The following PLCB1 variants were observed in gnomAD, a reference collection of about 807,000 sequenced individuals.
PLCB1 encodes the protein 1-phosphatidylinositol 4,5-bisphosphate phosphodiesterase beta-1.
In PLCB1, 46 loss-of-function variants were observed where a neutral mutation model predicts 161.8. The ratio of observed to expected loss-of-function variants is 0.28; its 90% CI spans 0.22 to 0.36. PLCB1 has a LOEUF of 0.36. PLCB1 is among the 10% of genes least tolerant of loss of function. PLCB1 has a pLI of 1.00. For missense variants in PLCB1, 1,016 were observed against 1,472.5 expected, an observed-to-expected ratio of 0.69 and a Z score of 5.07; for synonymous variants, 517 against 503.7, an observed-to-expected ratio of 1.03 and a Z score of -0.35.
At chr20:8,569,078 G>A (rs981057998) in intron 3 of PLCB1, among the ~76,000 whole-genome samples, 2 of 152,170 alleles carry the variant, frequency 1.3e-5, no homozygotes, top group African/African-American at 4.8e-5. Flanking sequence ...TTGTAAGGGA[G>A]CTCTCCCTTG....
At chr20:8,423,017 CTA>C (rs1979604866) in intron 3 of PLCB1, among the ~76,000 whole-genome samples, 1 of 152,214 alleles carries the variant, frequency 6.6e-6, no homozygotes, top group African/African-American at 2.4e-5. Flanking sequence ...AGAGCAAACA[CTA>C]TATACATATT....
chr20:8,296,145 G>A (rs1338344054), intron 2 of PLCB1, among the ~76,000 whole-genome samples: 2 of 152,106 alleles, frequency 1.3e-5, no homozygotes, highest in African/African-American at 2.4e-5. Flanking sequence ...AAACGAATAT[G>A]TGGTGTTCTG....
At chr20:8,723,594 C>T (rs1288204863) in intron 15 of PLCB1, among the ~76,000 whole-genome samples, 1 of 152,144 alleles carries the variant, frequency 6.6e-6, no homozygotes, top group Non-Finnish European at 1.5e-5. Context: ...GTACCACTTG[C>T]CAGGCACTGT....
chr20:8,791,957 G>T (rs1307526134), intron 31 of PLCB1: 1 of 152,186 alleles, frequency 6.6e-6, no homozygotes, highest in African/African-American at 2.4e-5. Context: ...GGCTTCAACA[G>T]TTATAGTATT....
chr20:8,733,701 A>G (rs1980399804), intron 19 of PLCB1, among the ~76,000 whole-genome samples: 1 of 151,048 alleles, frequency 6.6e-6, no homozygotes, highest in South Asian at 2.1e-4. Flanking sequence ...ATGACGAGTT[A>G]ATGGGTGCAG....
At chr20:8,326,104 C>T (rs184202598) in intron 2 of PLCB1, among the ~76,000 whole-genome samples, 1 of 152,114 alleles carries the variant, frequency 6.6e-6, no homozygotes, top group African/African-American at 2.4e-5. Flanking sequence ...ATATTTTGCT[C>T]TCTGTTAAGT....
At chr20:8,545,576 A>T (rs539051983) in intron 3 of PLCB1, among the ~76,000 whole-genome samples, 71 of 152,334 alleles carry the variant, frequency 4.7e-4, no homozygotes, top group African/African-American at 1.6e-3. Flanking sequence ...GTAGTAGATT[A>T]TAGGTTTGGA....
chr20:8,735,571 A>T (rs1028001779), intron 19 of PLCB1, among the ~76,000 whole-genome samples: 20 of 152,268 alleles, frequency 1.3e-4, no homozygotes, highest in African/African-American at 4.1e-4. Flanking sequence ...AGCTCACATG[A>T]TGTTCTACCG....
intron 1 of PLCB1, among the ~76,000 whole-genome samples, chr20:8,137,666 T>G (rs549757174): frequency 9.3e-4 from 141 of 152,338 alleles, no homozygotes; most frequent in Admixed American, 1.6e-3. Flanking sequence ...CTGGATCCAT[T>G]TTCACAAAGT....
intron 2 of PLCB1, chr20:8,305,628 G>C (rs1984098199): frequency 6.6e-6 from 1 of 152,148 alleles, no homozygotes; most frequent in African/African-American, 2.4e-5. Context: ...GTCGCGACTA[G>C]CGCCCTCTAG....
At chr20:8,755,922 G>C (rs1981712330) in intron 23 of PLCB1, among the ~76,000 whole-genome samples, 1 of 152,246 alleles carries the variant, frequency 6.6e-6, no homozygotes. Context: ...ACAGGGAGTT[G>C]CTAGGCAGGT....
chr20:8,644,888 G>C (rs1438551086), intron 4 of PLCB1, among the ~76,000 whole-genome samples: 2 of 152,208 alleles, frequency 1.3e-5, no homozygotes, highest in Non-Finnish European at 2.9e-5. Flanking sequence ...AATAGAAAGG[G>C]GGGAAAGGTG....
chr20:8,401,954 A>C (rs1043309514), intron 3 of PLCB1, among the ~76,000 whole-genome samples: 1 of 152,202 alleles, frequency 6.6e-6, no homozygotes, highest in Non-Finnish European at 1.5e-5. Context: ...CTGCCAGGTC[A>C]TCTAACATTA....
At chr20:8,403,858 C>T (rs1325083476) in intron 3 of PLCB1, among the ~76,000 whole-genome samples, 1 of 152,096 alleles carries the variant, frequency 6.6e-6, no homozygotes, top group Non-Finnish European at 1.5e-5. Context: ...AGGAGACTAA[C>T]CATATGGGAA....
At chr20:8,534,729 C>T (rs1239251050) in intron 3 of PLCB1, among the ~76,000 whole-genome samples, 1 of 151,982 alleles carries the variant, frequency 6.6e-6, no homozygotes, top group East Asian at 1.9e-4. Flanking sequence ...CTGAGATATG[C>T]GTTTCTCTTT....
intron 3 of PLCB1, among the ~76,000 whole-genome samples, chr20:8,473,843 C>T (rs936561920): frequency 2.0e-5 from 3 of 152,200 alleles, no homozygotes; most frequent in Non-Finnish European, 2.9e-5. Context: ...AGTACAAAAA[C>T]CTGATGCAGA....
intron 3 of PLCB1, among the ~76,000 whole-genome samples, chr20:8,409,663 A>G (rs951530521): frequency 2.0e-5 from 3 of 151,928 alleles, no homozygotes; most frequent in African/African-American, 7.2e-5. Flanking sequence ...GGGTTTCACC[A>G]TGTTGGCCAG....
At chr20:8,135,208 C>G (rs936176965) in intron 1 of PLCB1, among the ~76,000 whole-genome samples, 3 of 152,190 alleles carry the variant, frequency 2.0e-5, no homozygotes, top group African/African-American at 4.8e-5. Context: ...TGACTTTAGG[C>G]AAATCACTTA....
At chr20:8,315,228 G>A (rs1984586788) in intron 2 of PLCB1, among the ~76,000 whole-genome samples, 1 of 152,146 alleles carries the variant, frequency 6.6e-6, no homozygotes, top group South Asian at 2.1e-4. Context: ...GACCGAGGAA[G>A]TAACATATAT....
Sources: allele counts gnomAD v4.1 joint callset (sites outside exome capture counted in the v4.1 genomes callset), GRCh38; gene constraint gnomAD v4.1.1; transcripts MANE v1.5; gene names NCBI Gene and HGNC (gene_info 2026-07-23, HGNC 2026-07-21).